ANKS1B: variants seen among roughly 807,000 people sequenced by gnomAD.
The protein encoded by ANKS1B is ankyrin repeat and sterile alpha motif domain-containing protein 1B.
A neutral mutation model predicts 148.3 loss-of-function variants in ANKS1B; 36 were observed. The ratio of observed to expected loss-of-function variants is 0.24; its 90% confidence interval spans 0.19 to 0.32. The LOEUF (loss-of-function observed/expected upper bound fraction) is 0.32. Among genes scored for constraint, ANKS1B ranks in the 10% least tolerant of loss-of-function variants. The pLI is 1.00. For missense variants in ANKS1B, 1,157 were observed against 1,542.6 expected (o/e 0.75, Z 4.19); for synonymous variants, 542 against 560.8 (o/e 0.97, Z 0.47).
chr12:99,278,637 G>A (rs1489226673), intron 12 of ANKS1B, among the ~76,000 whole-genome samples: 2 of 152,072 alleles, frequency 1.3e-5, no homozygotes, highest in African/African-American at 4.8e-5. Context: ...ACCTCCCCAA[G>A]CTGAGTTAAA....
intron 12 of ANKS1B, among the ~76,000 whole-genome samples, chr12:99,387,920 A>G (rs1404101845): frequency 6.7e-6 from 1 of 149,842 alleles, no homozygotes; most frequent in African/African-American, 2.5e-5. Flanking sequence ...ATGAAAAAGT[A>G]CTTAAAACAA....
At chr12:98,776,899 A>C (rs1409609658) in intron 24 of ANKS1B, among the ~76,000 whole-genome samples, 2 of 152,226 alleles carry the variant, frequency 1.3e-5, no homozygotes, top group Non-Finnish European at 2.9e-5. Flanking sequence ...TATAAAAAAA[A>C]ACAATGGGAG....
intron 11 of ANKS1B, among the ~76,000 whole-genome samples, chr12:99,440,120 C>T (rs2095525865): frequency 6.6e-6 from 1 of 151,742 alleles, no homozygotes; most frequent in Non-Finnish European, 1.5e-5. Flanking sequence ...AAAATCTGAA[C>T]ATTCTTGCCT....
chr12:99,823,456 T>C (rs1730695448), intron 2 of ANKS1B, among the ~76,000 whole-genome samples: 1 of 151,984 alleles, frequency 6.6e-6, no homozygotes, highest in Non-Finnish European at 1.5e-5. Context: ...CAGGCACATA[T>C]CATCGTGCCC....
intron 12 of ANKS1B, among the ~76,000 whole-genome samples, chr12:99,252,410 C>T (rs1383616081): frequency 6.6e-6 from 1 of 152,058 alleles, no homozygotes; most frequent in Admixed American, 6.6e-5. Flanking sequence ...CCTCAATTCT[C>T]ATAAAAACAA....
intron 1 of ANKS1B, among the ~76,000 whole-genome samples, chr12:99,967,601 AT>A (rs1165867907): frequency 6.6e-6 from 1 of 151,862 alleles, no homozygotes; most frequent in Non-Finnish European, 1.5e-5. Flanking sequence ...TTCTTTCACT[AT>A]GTAATTTACT....
intron 8 of ANKS1B, among the ~76,000 whole-genome samples, chr12:99,683,267 A>G (rs1025214583): frequency 1.3e-5 from 2 of 152,198 alleles, no homozygotes; most frequent in African/African-American, 4.8e-5. Context: ...GAATATCCAA[A>G]TAAGCTCAAT....
intron 17 of ANKS1B, among the ~76,000 whole-genome samples, chr12:99,000,124 A>C (rs1473919294): frequency 6.6e-6 from 1 of 152,098 alleles, no homozygotes; most frequent in Non-Finnish European, 1.5e-5. Context: ...GTAAGGAAAA[A>C]ATAGAAAAGG....
intron 1 of ANKS1B, among the ~76,000 whole-genome samples, chr12:99,940,175 T>C (rs1031795500): frequency 2.0e-5 from 3 of 152,168 alleles, no homozygotes; most frequent in African/African-American, 7.2e-5. Flanking sequence ...CGCCCAGAGA[T>C]GAGCATGCAA....
intron 8 of ANKS1B, among the ~76,000 whole-genome samples, chr12:99,727,136 C>G (rs144670875): frequency 1.3e-5 from 2 of 152,008 alleles, no homozygotes; most frequent in Admixed American, 6.6e-5. Context: ...GAAATTCTGG[C>G]CAGGGCAATC....
Position 99,246,811 on chromosome 12 carries a change from G to T in ANKS1B, c.1810C>A (p.Gln604Lys). Residue 604 changes from glutamine (Q) to lysine (K), a missense_variant, in exon 13 of 27, where the codon CAA becomes AAA. Around this residue, in one of 6 missense-constraint regions of ANKS1B, gnomAD observed 661 missense variants for 642.1 expected, o/e 1.03. Coordinates refer to ENST00000683438, the MANE Select transcript of ANKS1B (RefSeq NM_001352186.2). ...GATCCATGGAGCAGGCCTGCAAATTGCCCAGGATCATATTCTTTTGGGGGA... is the reference window on the plus strand; with the variant it reads ...GATCCATGGAGCAGGCCTGCAAATTTCCCAGGATCATATTCTTTTGGGGGA... ...NDPPKEYDPG[Q>K]FAGLLHGSSP... The T allele has an allele frequency of 6.2e-7, 1 of 1,610,138 alleles. No homozygotes were observed. The highest frequency in any genetic ancestry group is 8.5e-7 in the Non-Finnish European group (1 of 1,179,056).
intron 7 of ANKS1B, among the ~76,000 whole-genome samples, chr12:99,773,769 C>G (rs2063406684): frequency 1.3e-5 from 2 of 152,032 alleles, no homozygotes; most frequent in South Asian, 4.1e-4. Context: ...TTAACATCAG[C>G]TGACTATAGA....
chr12:99,404,570 T>G (rs1013411028), intron 11 of ANKS1B, among the ~76,000 whole-genome samples: 1 of 145,384 alleles, frequency 6.9e-6, no homozygotes, highest in Admixed American at 6.8e-5. Context: ...ATTAGTGAGC[T>G]TCAAAACAGG....
At chr12:99,062,762 C>T (rs1227123111) in intron 16 of ANKS1B, among the ~76,000 whole-genome samples, 1 of 152,074 alleles carries the variant, frequency 6.6e-6, no homozygotes, top group Non-Finnish European at 1.5e-5. Flanking sequence ...GAAATGAGGA[C>T]TCAGGGTTGA....
chr12:99,052,293 A>G (rs1259348167), intron 17 of ANKS1B, among the ~76,000 whole-genome samples: 2 of 152,240 alleles, frequency 1.3e-5, no homozygotes, highest in African/African-American at 4.8e-5. Flanking sequence ...TAGGAAATCT[A>G]TGCTAAGTGT....
rs142755166 is a variant in ANKS1B, at chr12:98,911,735, C to A, written c.2779-79599G>T. 3.7e-3 allele frequency among the ~76,000 whole-genome samples: 565 copies of A among 152,278 alleles called. 5 individuals carry two copies. The highest frequency in any genetic ancestry group is 0.022 in the South Asian group (104 of 4,824). ...TTTTATTGTCCTGGCAAAGTAACAA[C>A]CCTGTGTATGCACCCCTACAAACTA... is the stretch of plus-strand genomic sequence containing the variant. On this transcript the variant is annotated intron_variant, in intron 17 of 26. Transcript: ENST00000683438.
At chr12:99,298,249 A>C (rs2081160753) in intron 12 of ANKS1B, among the ~76,000 whole-genome samples, 1 of 152,188 alleles carries the variant, frequency 6.6e-6, no homozygotes, top group Non-Finnish European at 1.5e-5. Context: ...TCCCCACCCA[A>C]ATCTCACGTT....
At chr12:99,189,755 G>A (rs1231280725) in intron 14 of ANKS1B, among the ~76,000 whole-genome samples, 1 of 152,118 alleles carries the variant, frequency 6.6e-6, no homozygotes, top group Non-Finnish European at 1.5e-5. Flanking sequence ...GCAAAAACTG[G>A]AAGCATTCCC....
chr12:98,993,490 G>T (rs1598169081), intron 17 of ANKS1B, among the ~76,000 whole-genome samples: 1 of 152,192 alleles, frequency 6.6e-6, no homozygotes, highest in East Asian at 1.9e-4. Context: ...CTTTTGAAAT[G>T]TTCCTCTCCT....
Sources: gnomAD v4.1 joint callset for allele counts (sites outside exome capture counted in the v4.1 genomes callset) on GRCh38, gnomAD v4.1.1 for gene constraint, gnomAD v4.1.1 regional missense constraint, MANE v1.5 for transcripts, NCBI Gene and HGNC (gene_info 2026-07-23, HGNC 2026-07-21) for gene names.